GPC6: variants seen among roughly 807,000 people sequenced by gnomAD.
GPC6 encodes glypican 6, also known as glypican-6.
GPC6 carries 14 observed loss-of-function variants against 55.2 expected under a neutral mutation model. The observed-to-expected ratio is 0.25, with a 90% CI of 0.17 to 0.40. GPC6 has a LOEUF of 0.40. Ranked by LOEUF, GPC6 falls within the 10% of genes least tolerant of loss-of-function variation. The pLI, the probability that GPC6 is intolerant of heterozygous loss-of-function variation, is 1.00. For missense variants in GPC6, 641 were observed against 708.5 expected (o/e 0.90, Z 1.08); for synonymous variants, 278 against 259.6 (o/e 1.07, Z -0.68).
At chr13:93,968,888 T>C (rs1296181152) in intron 3 of GPC6, among the ~76,000 whole-genome samples, 1 of 152,180 alleles carries the variant, frequency 6.6e-6, no homozygotes, top group Non-Finnish European at 1.5e-5. Flanking sequence ...TGGAATGACA[T>C]GGAAACTAAG....
At chr13:94,194,988 A>T (rs1448113223) in intron 4 of GPC6, among the ~76,000 whole-genome samples, 1 of 152,182 alleles carries the variant, frequency 6.6e-6, no homozygotes, top group Non-Finnish European at 1.5e-5. Flanking sequence ...GAGGAGTATG[A>T]GAAGTATTAT....
intron 2 of GPC6, among the ~76,000 whole-genome samples, chr13:93,732,967 C>T (rs1883881148): frequency 6.6e-6 from 1 of 151,956 alleles, no homozygotes; most frequent in African/African-American, 2.4e-5. Context: ...GTGTATTTTA[C>T]ATTTACAAGA....
chr13:93,721,732 ATGT>A (rs1883462057), intron 2 of GPC6, among the ~76,000 whole-genome samples: 1 of 151,700 alleles, frequency 6.6e-6, no homozygotes, highest in South Asian at 2.1e-4. Context: ...CTTAGTCCTT[ATGT>A]GTCTGTGGTA....
intron 2 of GPC6, among the ~76,000 whole-genome samples, chr13:93,551,322 C>A (rs2139442307): frequency 7.1e-6 from 1 of 141,824 alleles, no homozygotes; most frequent in East Asian, 2.1e-4. Context: ...AAAAAAAAAA[C>A]ACAATTTCAG....
At chr13:93,821,801 C>G (rs780193742) in intron 2 of GPC6, among the ~76,000 whole-genome samples, 1 of 152,064 alleles carries the variant, frequency 6.6e-6, no homozygotes, top group African/African-American at 2.4e-5. Context: ...GTCTGTGAGT[C>G]TCCTTGGTTG....
intron 1 of GPC6, among the ~76,000 whole-genome samples, chr13:93,442,513 C>A (rs1877843953): frequency 6.6e-6 from 1 of 152,148 alleles, no homozygotes; most frequent in Non-Finnish European, 1.5e-5. Flanking sequence ...CTCCCATCTC[C>A]CAGAAACTAT....
At chr13:94,202,372 G>T (rs1272958809) in intron 4 of GPC6, among the ~76,000 whole-genome samples, 1 of 152,168 alleles carries the variant, frequency 6.6e-6, no homozygotes, top group Non-Finnish European at 1.5e-5. Flanking sequence ...AGGTTTAATG[G>T]ACTCACAGTT....
At position 93,848,855 on chromosome 13, in the gene GPC6, C is replaced by A. The variant is rs148026527; in HGVS notation, c.711+18310C>A. Among the ~76,000 whole-genome samples the A allele has an allele frequency of 5.3e-5, 8 of 152,086 alleles. No homozygotes were observed. In the East Asian group the frequency reaches 1.6e-3, roughly 30 times the overall value. The stretch of plus-strand genomic sequence containing the variant: ...TTGCCACTTTCCTTACTCATTGTGC[C>A]TTCCTCTCCCCTTTCTTTCAAACCC... On this transcript the variant is annotated intron_variant, in intron 3 of 8. Transcript: ENST00000377047.
At chr13:93,754,206 A>G (rs1239057050) in intron 2 of GPC6, among the ~76,000 whole-genome samples, 1 of 152,158 alleles carries the variant, frequency 6.6e-6, no homozygotes, top group African/African-American at 2.4e-5. Flanking sequence ...CCCAGTTTTT[A>G]CCTAATATGT....
chr13:94,286,638 T>C (rs1892539295), intron 5 of GPC6, among the ~76,000 whole-genome samples, 159 bp downstream of exon 5: 2 of 152,200 alleles, frequency 1.3e-5, no homozygotes, highest in Non-Finnish European at 2.9e-5. Context: ...TCATTAAAAA[T>C]GTCTAACAAA....
In GPC6 at chr13:93,621,662, CT is replaced by C. The variant is rs1367985010; in HGVS notation, c.319+76245del. Among the ~76,000 whole-genome samples the C allele has an allele frequency of 2.6e-5, 4 of 152,104 alleles. No homozygotes were observed. In the South Asian group the frequency reaches 6.2e-4, roughly 24 times the overall value. On this transcript the variant is annotated intron_variant, in intron 2 of 8. Coordinates refer to ENST00000377047, the MANE Select transcript of GPC6 (RefSeq NM_005708.5). ...TAATAGAGTTAGGGAGAAGTAAATACTTTTATAACTATGTCCGACCTTAGGA... is the reference window on the plus strand; with the variant it reads ...TAATAGAGTTAGGGAGAAGTAAATACTTTATAACTATGTCCGACCTTAGGA...
intron 4 of GPC6, among the ~76,000 whole-genome samples, chr13:94,118,337 T>G (rs970128403): frequency 6.6e-6 from 1 of 152,090 alleles, no homozygotes; most frequent in Non-Finnish European, 1.5e-5. Context: ...AAAATGGATA[T>G]GTTTGCTTCC....
intron 1 of GPC6, among the ~76,000 whole-genome samples, chr13:93,276,210 A>G (rs866842425): frequency 1.8e-4 from 27 of 152,076 alleles, no homozygotes; most frequent in African/African-American, 5.6e-4. Context: ...TGACCAGGGT[A>G]AAACCATTTA....
At chr13:93,604,814 T>A (rs536728594) in intron 2 of GPC6, among the ~76,000 whole-genome samples, 26 of 149,136 alleles carry the variant, frequency 1.7e-4, no homozygotes, top group African/African-American at 6.0e-4. Flanking sequence ...AGTATCCACC[T>A]CGTAACTGGT....
At chr13:93,612,323 C>A (rs1289726422) in intron 2 of GPC6, among the ~76,000 whole-genome samples, 4 of 152,062 alleles carry the variant, frequency 2.6e-5, no homozygotes, top group African/African-American at 7.2e-5. Flanking sequence ...CATGGTGAAA[C>A]CCTGTCTCTA....
chr13:93,659,637 T>C (rs987700993), intron 2 of GPC6, among the ~76,000 whole-genome samples: 3 of 152,038 alleles, frequency 2.0e-5, no homozygotes, highest in African/African-American at 7.2e-5. Context: ...ATCCTCTCGC[T>C]TCTACTGGGG....
chr13:93,754,267 C>G (rs1014684477), intron 2 of GPC6, among the ~76,000 whole-genome samples: 1 of 152,162 alleles, frequency 6.6e-6, no homozygotes, highest in African/African-American at 2.4e-5. Context: ...ACATTAGTAA[C>G]AGTTAGAACC....
At chr13:94,210,552 T>C (rs1208698112) in intron 4 of GPC6, among the ~76,000 whole-genome samples, 1 of 152,186 alleles carries the variant, frequency 6.6e-6, no homozygotes, top group Non-Finnish European at 1.5e-5. Flanking sequence ...GAATATGTCA[T>C]ATATACATGA....
intron 7 of GPC6, among the ~76,000 whole-genome samples, chr13:94,393,526 C>T (rs1412748526): frequency 6.6e-6 from 1 of 152,138 alleles, no homozygotes; most frequent in Non-Finnish European, 1.5e-5. Context: ...TTGAGTGGAG[C>T]TCATTTGTGG....
Sources: gnomAD v4.1 joint callset for allele counts (sites outside exome capture counted in the v4.1 genomes callset) on GRCh38, gnomAD v4.1.1 for gene constraint, MANE v1.5 for transcripts, NCBI Gene and HGNC (gene_info 2026-07-23, HGNC 2026-07-21) for gene names.